The following CIMAP1D variants were observed in gnomAD, a reference collection of about 807,000 sequenced individuals.
CIMAP1D encodes the protein protein CIMAP1D.
At chr19:480,330 G>A in the CIMAP1D span, among the ~76,000 whole-genome samples, 1 of 152,360 alleles carries the variant, frequency 6.6e-6, no homozygotes, top group African/African-American at 2.4e-5. Flanking sequence ...GCAGGGACGC[G>A]TCCCAATCAG....
the CIMAP1D span, among the ~76,000 whole-genome samples, chr19:468,191 TC>T: frequency 6.6e-6 from 1 of 151,902 alleles, no homozygotes; most frequent in African/African-American, 2.4e-5. Flanking sequence ...CACAGCAAGA[TC>T]CCGTCTCTAC....
chr19:464,137 G>T, the CIMAP1D span: 1 of 482,590 alleles, frequency 2.1e-6, no homozygotes, highest in Non-Finnish European at 3.7e-6. Context: ...TGCGGGGGGC[G>T]GGCGGGGGGG....
At chr19:473,170 C>G in the CIMAP1D span, among the ~76,000 whole-genome samples, 2 of 90,260 alleles carry the variant, frequency 2.2e-5, no homozygotes, top group Admixed American at 1.4e-4. Context: ...GAGACTGAGG[C>G]CTGAGCCTCC....
the CIMAP1D span, among the ~76,000 whole-genome samples, chr19:484,204 G>GACCTTGGCTCACCACA: frequency 6.9e-6 from 1 of 145,078 alleles, no homozygotes; most frequent in African/African-American, 2.6e-5. Context: ...GCAATGGCGC[G>GACCTTGGCTCACCACA]ATCTTGGCTC....
At chr19:464,006 C>G in the CIMAP1D span, 8 of 1,609,124 alleles carry the variant, frequency 5.0e-6, no homozygotes, top group South Asian at 8.8e-5. Flanking sequence ...GGCCGGGGGT[C>G]TCCTCCAGGG....
the CIMAP1D span, among the ~76,000 whole-genome samples, chr19:476,402 C>G: frequency 6.6e-6 from 1 of 151,902 alleles, no homozygotes; most frequent in Non-Finnish European, 1.5e-5. Context: ...GTTGGCCAGG[C>G]TGGTTTCAAA....
the CIMAP1D span, chr19:463,751 C>A: frequency 1.3e-6 from 2 of 1,503,728 alleles, no homozygotes; most frequent in Non-Finnish European, 1.8e-6. Flanking sequence ...ACTCCTTTCC[C>A]AGCCCCTCTC....
chr19:484,811 G>A, the CIMAP1D span, among the ~76,000 whole-genome samples: 1,320 of 152,306 alleles, frequency 8.7e-3, 7 homozygotes, highest in Middle Eastern at 0.024. Context: ...CTGAGGACAC[G>A]GAGAGGACAC....
At chr19:484,076 C>G in the CIMAP1D span, among the ~76,000 whole-genome samples, 2 of 152,058 alleles carry the variant, frequency 1.3e-5, no homozygotes, top group African/African-American at 4.8e-5. Flanking sequence ...GGAACAACCG[C>G]AAATAATGCT....
At chr19:484,261 C>G in the CIMAP1D span, among the ~76,000 whole-genome samples, 4 of 151,868 alleles carry the variant, frequency 2.6e-5, no homozygotes, top group Non-Finnish European at 2.9e-5. Context: ...CTGCCTCAGC[C>G]TCCTGAGTAG....
chr19:479,424 G>GGGGA, the CIMAP1D span, among the ~76,000 whole-genome samples: 2 of 97,136 alleles, frequency 2.1e-5, no homozygotes, highest in Non-Finnish European at 4.1e-5. Flanking sequence ...GGGGGGGGGG[G>GGGGA]ATGGAGTTTC....
the CIMAP1D span, among the ~76,000 whole-genome samples, chr19:480,305 A>T: frequency 6.6e-6 from 1 of 152,240 alleles, no homozygotes; most frequent in Non-Finnish European, 1.5e-5. Context: ...CTGTGGGGAC[A>T]CGGGTGACGT....
At chr19:474,056 C>T in the CIMAP1D span, among the ~76,000 whole-genome samples, 6 of 152,060 alleles carry the variant, frequency 3.9e-5, no homozygotes, top group Non-Finnish European at 7.3e-5. Context: ...CAGAGATACA[C>T]GGTCACAGAC....
the CIMAP1D span, among the ~76,000 whole-genome samples, chr19:486,351 G>A: frequency 6.6e-6 from 1 of 152,034 alleles, no homozygotes; most frequent in South Asian, 2.1e-4. Flanking sequence ...GATACACCCG[G>A]TCCAACTCCC....
chr19:463,610 C>A, the CIMAP1D span: 1 of 615,080 alleles, frequency 1.6e-6, no homozygotes, highest in East Asian at 3.2e-5. Flanking sequence ...CTGGCGTGAC[C>A]TGGAAGAAAC....
chr19:472,965 C>G, the CIMAP1D span, among the ~76,000 whole-genome samples: 2 of 122,300 alleles, frequency 1.6e-5, no homozygotes, highest in African/African-American at 5.8e-5. Flanking sequence ...GAGACTGAGG[C>G]CCAGGCAGAG....
the CIMAP1D span, among the ~76,000 whole-genome samples, chr19:481,291 G>A: frequency 2.8e-5 from 4 of 142,566 alleles, no homozygotes; most frequent in Admixed American, 7.0e-5. Flanking sequence ...TGATGGGAAG[G>A]ATGATGGGAA....
chr19:477,943 G>T, the CIMAP1D span, among the ~76,000 whole-genome samples: 1 of 152,134 alleles, frequency 6.6e-6, no homozygotes, highest in Non-Finnish European at 1.5e-5. Context: ...CCCCTAAGAC[G>T]GTCTCCACCT....
chr19:490,362 A>T, the CIMAP1D span: 9 of 192,168 alleles, frequency 4.7e-5, no homozygotes, highest in Middle Eastern at 2.0e-3. Context: ...AGCTAAAAAA[A>T]AAAGAAAGAA....
Sources: allele counts gnomAD v4.1 joint callset (sites outside exome capture counted in the v4.1 genomes callset), GRCh38; gene constraint gnomAD v4.1.1; transcripts MANE v1.5; gene names NCBI Gene and HGNC (gene_info 2026-07-23, HGNC 2026-07-21).